ZNF143: variants seen among roughly 807,000 people sequenced by gnomAD.
ZNF143 encodes SPH-binding factor.
ZNF143 carries 49 observed loss-of-function variants against 74.1 expected under a neutral mutation model. That is an observed-to-expected ratio of 0.66 (90% confidence interval 0.53 to 0.84). ZNF143 has a LOEUF of 0.84. ZNF143 is among the 40% of genes least tolerant of loss of function. The pLI is 0.00. For missense variants in ZNF143, 637 were observed against 793.4 expected (o/e 0.80, Z 2.37); for synonymous variants, 304 against 282.8 (o/e 1.07, Z -0.75).
intron 10 of ZNF143, among the ~76,000 whole-genome samples, chr11:9,500,669 A>C (rs1289833976): frequency 6.6e-6 from 1 of 152,234 alleles, no homozygotes; most frequent in Non-Finnish European, 1.5e-5. Context: ...CCATATTTTT[A>C]AAGAGCAAAA....
chr11:9,478,455 C>T lies in ZNF143; in HGVS notation c.439C>T (p.His147Tyr), dbSNP rs745678560. 2.5e-6 allele frequency: 4 copies of T among 1,614,104 alleles called. No individual in the cohort carries two copies. The highest frequency in any genetic ancestry group is 2.2e-5 in the East Asian group (1 of 44,882). Reference protein sequence around the residue: ...LEDGTTAYIHHAVQVPQSDTI... With the variant: ...LEDGTTAYIHYAVQVPQSDTI... ...AGATGGTACCACAGCTTATATCCAC[C>T]ATGCAGTGCAAGTCCCGCAGTCTGA... Residue 147 changes from histidine to tyrosine, a missense_variant, in exon 6 of 16, where the codon CAT becomes TAT. By Grantham distance (83) the His-to-Tyr change is moderately conservative (BLOSUM62 2). Transcript: ENST00000396602.
Position 9,461,487 on chromosome 11 carries a change from C to T in ZNF143, c.-8+411C>T, listed in dbSNP as rs369077999. Among the ~76,000 whole-genome samples the T allele has an allele frequency of 5.9e-5, 9 of 152,276 alleles. No individual in the cohort carries two copies. In the East Asian group the frequency reaches 1.7e-3, roughly 30 times the overall value. On this transcript the variant is annotated intron_variant, in intron 1 of 15. Coordinates refer to ENST00000396602, the MANE Select transcript of ZNF143 (RefSeq NM_003442.6). ...GCGCCGCCGAGGCAGAGTTCCGCCG[C>T]CTGGGACGCCGGGCCCACGGGCCAC... is the stretch of plus-strand genomic sequence containing the variant.
At chr11:9,488,647 T>C (rs1289602923) in intron 7 of ZNF143, among the ~76,000 whole-genome samples, 2 of 152,192 alleles carry the variant, frequency 1.3e-5, no homozygotes, top group Non-Finnish European at 2.9e-5. Flanking sequence ...ACAATTATTA[T>C]ATTCTATTAT....
chr11:9,479,095 A>G (rs74524370), intron 6 of ZNF143, among the ~76,000 whole-genome samples: 1,630 of 152,092 alleles, frequency 0.011, 27 homozygotes, highest in African/African-American at 0.037. Flanking sequence ...TTTCCCCTGC[A>G]TTGAACATGT....
At chr11:9,470,465 G>A (rs1856502611) in intron 1 of ZNF143, among the ~76,000 whole-genome samples, 2 of 152,158 alleles carry the variant, frequency 1.3e-5, no homozygotes, top group Admixed American at 6.6e-5. Context: ...GATGGACAGG[G>A]AAGCTCTCAT....
rs1310903608 is a variant in ZNF143, at chr11:9,474,541, G to A, written c.290-9G>A. The A allele has an allele frequency of 6.2e-7, 1 of 1,614,066 alleles. No individual in the cohort carries two copies. The highest frequency in any genetic ancestry group is 8.5e-7 in the Non-Finnish European group (1 of 1,179,944). On this transcript the variant is annotated splice_polypyrimidine_tract_variant and intron_variant, in intron 4 of 15. Coordinates refer to ENST00000396602, the MANE Select transcript of ZNF143 (RefSeq NM_003442.6). ...AACATGAGATCTAAATGTAAGCATT[G>A]TTCTTGAGCAGGGGACAGTTTGCGT...
intron 5 of ZNF143, among the ~76,000 whole-genome samples, chr11:9,476,432 A>C (rs987532072): frequency 1.3e-5 from 2 of 151,814 alleles, no homozygotes; most frequent in African/African-American, 4.8e-5. Context: ...GAGTGCAGGG[A>C]CACGATCTTG....
At chr11:9,490,869 AC>A (rs1201087645) in intron 7 of ZNF143, among the ~76,000 whole-genome samples, 1 of 152,086 alleles carries the variant, frequency 6.6e-6, no homozygotes, top group Non-Finnish European at 1.5e-5. Context: ...AGTAGCTGGG[AC>A]CACAAGTACA....
rs768865975 is a variant in ZNF143, at chr11:9,472,706, G to T, written c.142G>T (p.Val48Leu). The change falls in exon 3 of 16, where the codon GTA (valine) becomes TTA (leucine). Residue 48 changes from valine to leucine, a missense_variant. By Grantham distance (32) the Val-to-Leu change is conservative. Transcript: ENST00000396602. ...DGDNLENMEG[V>L]SLQAVTLADG... is the part of the protein sequence containing the mutation. ...TGACAACTTAGAAAATATGGAAGGCGTAAGCTTGCAAGCAGTAACACTTGC... is the reference window on the plus strand; with the variant it reads ...TGACAACTTAGAAAATATGGAAGGCTTAAGCTTGCAAGCAGTAACACTTGC... 3 of 1,607,214 alleles carry T rather than the reference G, an allele frequency of 1.9e-6. No homozygotes were observed. The highest frequency in any genetic ancestry group is 2.5e-6 in the Non-Finnish European group (3 of 1,178,048).
intron 7 of ZNF143, among the ~76,000 whole-genome samples, chr11:9,491,795 G>C (rs1032678211): frequency 6.6e-6 from 1 of 152,110 alleles, no homozygotes; most frequent in Non-Finnish European, 1.5e-5. Flanking sequence ...ATGCACAGCT[G>C]ATGTTTTTGC....
intron 7 of ZNF143, among the ~76,000 whole-genome samples, chr11:9,486,395 T>TATAA (rs1847505091): frequency 4.7e-5 from 1 of 21,148 alleles, no homozygotes; most frequent in Non-Finnish European, 7.9e-5. Flanking sequence ...ATAATATATA[T>TATAA]AATATATTAT....
chr11:9,487,382 C>T lies in ZNF143; in HGVS notation c.646-7264C>T, dbSNP rs2034692. ...TTTTGTTTGTTTGTTTGTTTTGAGA[C>T]GGAGTCTCGCTCTATTGCCCAGGCT... On this transcript the variant is annotated intron_variant, in intron 7 of 15. Transcript: ENST00000396602. 7.6e-3 allele frequency among the ~76,000 whole-genome samples: 1,148 copies of T among 151,158 alleles called. 66 individuals are homozygous for T. Among genetic ancestry groups the T allele is most frequent in the African/African-American group, 0.027 (1,085 of 40,708 alleles).
chr11:9,461,207 C>G, intron 1 of ZNF143, 131 bp downstream of exon 1: 1 of 492,166 alleles, frequency 2.0e-6, no homozygotes, highest in Non-Finnish European at 2.6e-6. Flanking sequence ...GCAGGCCTTG[C>G]CGATTTTATG....
intron 14 of ZNF143, among the ~76,000 whole-genome samples, chr11:9,522,733 A>T (rs1470575121): frequency 6.6e-6 from 1 of 151,936 alleles, no homozygotes; most frequent in African/African-American, 2.4e-5. Flanking sequence ...ACCTCAGGTG[A>T]TCCACCCGCC....
At chr11:9,524,045 CAAA>C (rs533664056) in intron 14 of ZNF143, among the ~76,000 whole-genome samples, 6 of 86,738 alleles carry the variant, frequency 6.9e-5, no homozygotes, top group Non-Finnish European at 9.0e-5. Context: ...GAGACTACCT[CAAA>C]AAAAAAAAAA....
chr11:9,472,845 ACC>A, intron 3 of ZNF143, 76 bp downstream of exon 3: 3 of 1,061,778 alleles, frequency 2.8e-6, no homozygotes, highest in Non-Finnish European at 4.0e-6. Context: ...TAGAAGCTAT[ACC>A]ACCTTTCCTA....
At chr11:9,476,451 C>T (rs1228221141) in intron 5 of ZNF143, among the ~76,000 whole-genome samples, 1 of 152,114 alleles carries the variant, frequency 6.6e-6, no homozygotes, top group Non-Finnish European at 1.5e-5. Context: ...TGGCTCACTG[C>T]AACCTCCGCC....
At chr11:9,498,743 A>G (rs1464911792) in intron 10 of ZNF143, among the ~76,000 whole-genome samples, 1 of 152,210 alleles carries the variant, frequency 6.6e-6, no homozygotes, top group Non-Finnish European at 1.5e-5. Context: ...CAGCATTAAG[A>G]TAATTTAGTT....
At chr11:9,524,007 C>G (rs1047379169) in intron 14 of ZNF143, among the ~76,000 whole-genome samples, 1 of 142,742 alleles carries the variant, frequency 7.0e-6, no homozygotes, top group Non-Finnish European at 1.5e-5. Flanking sequence ...GAGATCAAGC[C>G]ATTGCATTCC....
Sources: allele counts gnomAD v4.1 joint callset (sites outside exome capture counted in the v4.1 genomes callset), GRCh38; gene constraint gnomAD v4.1.1; transcripts MANE v1.5; gene names NCBI Gene and HGNC (gene_info 2026-07-23, HGNC 2026-07-21).